The following XKR6 variants were observed in gnomAD, a reference collection of about 807,000 sequenced individuals.
The protein encoded by XKR6 is XK-related protein 6.
A neutral mutation model predicts 56.7 loss-of-function variants in XKR6; 22 were observed. The observed-to-expected ratio is 0.39, with a 90% CI of 0.28 to 0.55. XKR6 has a LOEUF of 0.55. Ranked by LOEUF, XKR6 falls within the 20% of genes least tolerant of loss-of-function variation. XKR6 has a pLI of 0.66. For missense variants in XKR6, 852 were observed against 889.0 expected (o/e 0.96, Z 0.53); for synonymous variants, 524 against 387.8 (o/e 1.35, Z -4.13).
chr8:11,103,693 G>C (rs533829763), intron 1 of XKR6, among the ~76,000 whole-genome samples: 1 of 152,152 alleles, frequency 6.6e-6, no homozygotes, highest in Non-Finnish European at 1.5e-5. Context: ...GCTTTGGAGG[G>C]AGACTGAGAT....
chr8:10,970,418 T>A (rs7015874), intron 1 of XKR6, among the ~76,000 whole-genome samples: 1,723 of 152,268 alleles, frequency 0.011, 38 homozygotes, highest in African/African-American at 0.039. Context: ...ATACTGTGAA[T>A]ATTTATTCTC....
chr8:10,969,607 C>G (rs559056872), intron 1 of XKR6, among the ~76,000 whole-genome samples: 8 of 152,296 alleles, frequency 5.3e-5, no homozygotes, highest in African/African-American at 1.9e-4. Flanking sequence ...AACAGAATCA[C>G]GGGCTGGTGG....
At chr8:11,199,622 C>G (rs1239463655) in intron 1 of XKR6, among the ~76,000 whole-genome samples, 5 of 152,160 alleles carry the variant, frequency 3.3e-5, no homozygotes, top group Admixed American at 3.3e-4. Flanking sequence ...AGTAAGAGGG[C>G]ACAGATGTAC....
chr8:11,128,506 G>T (rs1263390966), intron 1 of XKR6, among the ~76,000 whole-genome samples: 1 of 152,176 alleles, frequency 6.6e-6, no homozygotes, highest in Non-Finnish European at 1.5e-5. Flanking sequence ...TCTTCCGAAT[G>T]ACCAGTTCTA....
intron 1 of XKR6, among the ~76,000 whole-genome samples, chr8:11,181,003 G>A (rs949779112): frequency 1.3e-5 from 2 of 152,152 alleles, no homozygotes; most frequent in African/African-American, 2.4e-5. Flanking sequence ...AAGTCTTCTG[G>A]ACCCACAAGG....
chr8:11,152,808 T>C (rs987107721), intron 1 of XKR6, among the ~76,000 whole-genome samples: 6 of 152,174 alleles, frequency 3.9e-5, no homozygotes, highest in Non-Finnish European at 7.3e-5. Context: ...TATAAACAAA[T>C]ATAATTATCC....
chr8:11,189,120 GTCATGTCTCCTCTT>G (rs1269937245), intron 1 of XKR6, among the ~76,000 whole-genome samples: 1 of 151,964 alleles, frequency 6.6e-6, no homozygotes, highest in Non-Finnish European at 1.5e-5. Context: ...TATCTATTAG[GTCATGTCTCCTCTT>G]TCATTCACCA....
intron 1 of XKR6, among the ~76,000 whole-genome samples, chr8:10,945,937 C>A (rs1035510088): frequency 6.6e-6 from 1 of 152,064 alleles, no homozygotes; most frequent in Non-Finnish European, 1.5e-5. Flanking sequence ...GTCCCCAGCC[C>A]GGAGTGAATA....
intron 1 of XKR6, among the ~76,000 whole-genome samples, chr8:11,150,410 C>T (rs1398573695): frequency 2.0e-5 from 3 of 152,092 alleles, no homozygotes; most frequent in Admixed American, 1.3e-4. Context: ...TATGCATAAG[C>T]CATTTGTAGA....
At chr8:11,178,329 C>T (rs1802765842) in intron 1 of XKR6, among the ~76,000 whole-genome samples, 3 of 151,398 alleles carry the variant, frequency 2.0e-5, no homozygotes. Context: ...ACAAATGGGC[C>T]AAAAAACATA....
intron 1 of XKR6, among the ~76,000 whole-genome samples, chr8:10,944,863 C>T (rs1157647805): frequency 6.6e-6 from 1 of 152,192 alleles, no homozygotes; most frequent in Non-Finnish European, 1.5e-5. Flanking sequence ...CTGACATCAG[C>T]TGAACAATGG....
intron 1 of XKR6, among the ~76,000 whole-genome samples, chr8:10,951,284 A>AGT (rs1430390819): frequency 2.5e-3 from 233 of 91,726 alleles, no homozygotes; most frequent in Admixed American, 3.0e-3. Context: ...GGGATAGAAA[A>AGT]GTGTGTGTGT....
chr8:10,942,973 C>T (rs2129124175), intron 1 of XKR6, among the ~76,000 whole-genome samples: 1 of 152,350 alleles, frequency 6.6e-6, no homozygotes, highest in East Asian at 1.9e-4. Context: ...GGCCAGGTGG[C>T]CACATGCAGT....
rs767539492 is a variant in XKR6, at chr8:11,144,244, G to GTGTGTGTGTGTGTGTGTGTA, written c.764+56331_764+56332insTACACACACACACACACACA. Reference sequence around the variant, plus strand: ...AAAAAGTGTGTGTGTGTGTGTGTGTGTGTGTGTGTGTATCTAAAGTAGGCT... The same window carrying GTGTGTGTGTGTGTGTGTGTA: ...AAAAAGTGTGTGTGTGTGTGTGTGTGTGTGTGTGTGTGTGTGTGTATGTGTGTGTGTATCTAAAGTAGGCT... On this transcript the variant is annotated intron_variant, in intron 1 of 2. Coordinates refer to ENST00000416569, the MANE Select transcript of XKR6 (RefSeq NM_173683.4). Among the ~76,000 whole-genome samples, 196 of 149,528 alleles carry GTGTGTGTGTGTGTGTGTGTA rather than the reference G, an allele frequency of 1.3e-3. 2 individuals carry two copies. The highest frequency in any genetic ancestry group is 8.2e-3 in the South Asian group (38 of 4,622).
At position 11,040,632 on chromosome 8, in the gene XKR6, G is replaced by A. The variant is rs148309434; in HGVS notation, c.765-115802C>T. Among the ~76,000 whole-genome samples, 90 of 152,244 alleles carry A rather than the reference G, an allele frequency of 5.9e-4. 1 individual carries two copies. In the East Asian group the frequency reaches 0.016, roughly 27 times the overall value. On this transcript the variant is annotated intron_variant, in intron 1 of 2. Coordinates refer to ENST00000416569, the MANE Select transcript of XKR6 (RefSeq NM_173683.4). ...GGAGTCCAAGATGAAGGCAGATTTG[G>A]TGTCTGGTGAGGGCTCTCCTGGTTC...
At chr8:11,028,103 CT>C (rs1798911144) in intron 1 of XKR6, among the ~76,000 whole-genome samples, 1 of 152,100 alleles carries the variant, frequency 6.6e-6, no homozygotes, top group African/African-American at 2.4e-5. Context: ...TAAAAACCCC[CT>C]GTGCTTGGCC....
intron 1 of XKR6, among the ~76,000 whole-genome samples, chr8:11,142,192 C>A (rs979284822): frequency 9.9e-5 from 15 of 152,178 alleles, no homozygotes; most frequent in African/African-American, 3.6e-4. Context: ...CAATTTGCAT[C>A]CAGCATCTAT....
At chr8:10,979,889 G>T (rs1197063047) in intron 1 of XKR6, among the ~76,000 whole-genome samples, 1 of 152,196 alleles carries the variant, frequency 6.6e-6, no homozygotes, top group Non-Finnish European at 1.5e-5. Flanking sequence ...TCCTCTTGGT[G>T]TTTGGGGGAC....
At chr8:11,182,915 T>A (rs983130695) in intron 1 of XKR6, among the ~76,000 whole-genome samples, 9 of 152,176 alleles carry the variant, frequency 5.9e-5, no homozygotes, top group Admixed American at 3.3e-4. Flanking sequence ...TTCTACTATG[T>A]CTCTATGAAC....
Sources: allele counts gnomAD v4.1 joint callset (sites outside exome capture counted in the v4.1 genomes callset), GRCh38; gene constraint gnomAD v4.1.1; transcripts MANE v1.5; gene names NCBI Gene and HGNC (gene_info 2026-07-23, HGNC 2026-07-21).